SUPT5H: variants seen among roughly 807,000 people sequenced by gnomAD.
The protein encoded by SUPT5H is transcription elongation factor SPT5.
In SUPT5H, 24 loss-of-function variants were observed where a neutral mutation model predicts 142.5. The observed-to-expected ratio is 0.17, with a 90% confidence interval of 0.12 to 0.24. The LOEUF (loss-of-function observed/expected upper bound fraction) is 0.24, where lower values mean the gene tolerates loss of function less well. Among genes scored for constraint, SUPT5H ranks in the 10% least tolerant of loss-of-function variants. The pLI is 1.00. For missense variants in SUPT5H, 893 were observed against 1,471.8 expected (o/e 0.61, Z 6.43); for synonymous variants, 546 against 553.0 (o/e 0.99, Z 0.18).
intron 10 of SUPT5H, among the ~76,000 whole-genome samples, chr19:39,463,751 T>TG (rs1265960739): frequency 6.6e-6 from 1 of 152,234 alleles, no homozygotes; most frequent in Non-Finnish European, 1.5e-5. Context: ...AGCAGGGTAT[T>TG]GCAGTCAGTG....
At chr19:39,461,826 A>G (rs2079165266) in intron 10 of SUPT5H, among the ~76,000 whole-genome samples, 1 of 94,472 alleles carries the variant, frequency 1.1e-5, no homozygotes, top group Non-Finnish European at 2.4e-5. Context: ...TGTCTCAAAA[A>G]AAAAAAAAAA....
chr19:39,455,004 A>T (rs187376615), intron 3 of SUPT5H, among the ~76,000 whole-genome samples: 1 of 152,224 alleles, frequency 6.6e-6, no homozygotes, highest in Non-Finnish European at 1.5e-5. Context: ...TTTAACATGC[A>T]GGAACCCTTT....
At position 39,466,700 on chromosome 19, in the gene SUPT5H, A is replaced by G; in HGVS notation, c.992A>G (p.Lys331Arg). Residue 331 changes from lysine (K) to arginine (R), a missense_variant, in exon 13 of 30, where the codon AAG becomes AGG. Lys to Arg is a conservative substitution (Grantham distance 26, BLOSUM62 2). Transcript: ENST00000432763. This position sits in a 1 kb window ranked among gnomAD's most constrained non-coding sequence, Gnocchi z 4.3. ...SLKDWFAKRKKFKRPPQRLFD... is the reference protein window; with the variant it reads ...SLKDWFAKRKRFKRPPQRLFD... The stretch of plus-strand genomic sequence containing the variant: ...AAAGACTGGTTTGCCAAAAGGAAGA[A>G]GTTTAAGCGGCCTCCACAGAGGCTG... 6.2e-7 allele frequency: 1 copy of G among 1,614,192 alleles called. No homozygotes were observed. The highest frequency in any genetic ancestry group is 1.1e-5 in the South Asian group (1 of 91,080).
rs778523503 is a variant in SUPT5H at position 39,459,982 on chromosome 19, C to T, written c.624+22C>T. 5.6e-6 allele frequency: 9 copies of T among 1,613,294 alleles called. No individual in the cohort carries two copies. The South Asian group carries it at 8.8e-5, about 16-fold the overall frequency. ...CACGGTAAGTCGGGTAGACAGGCGGCTTGGTGGGGAGACATGGCAACACCC... is the reference window on the plus strand; with the variant it reads ...CACGGTAAGTCGGGTAGACAGGCGGTTTGGTGGGGAGACATGGCAACACCC... On this transcript the variant is annotated intron_variant, in intron 10 of 29. Coordinates refer to ENST00000432763, the MANE Select transcript of SUPT5H (RefSeq NM_001111020.3).
intron 18 of SUPT5H, 64 bp from the exon 19 acceptor site, chr19:39,471,293 A>T: frequency 2.5e-6 from 4 of 1,590,760 alleles, no homozygotes; most frequent in Non-Finnish European, 3.4e-6. Flanking sequence ...ACTTTAGGGA[A>T]CCCCTGCCCC....
At chr19:39,456,329 A>G (rs2079088841) in intron 3 of SUPT5H, among the ~76,000 whole-genome samples, 1 of 151,308 alleles carries the variant, frequency 6.6e-6, no homozygotes, top group African/African-American at 2.4e-5. Flanking sequence ...TCCCAGGTCC[A>G]AGTGATCCTC....
chr19:39,446,029 C>T (rs1300814611), intron 2 of SUPT5H, 64 bp downstream of exon 2: 4 of 1,548,592 alleles, frequency 2.6e-6, no homozygotes, highest in Non-Finnish European at 3.5e-6. Context: ...CAGAAAGGCC[C>T]CTGTGGGAGG....
Position 39,473,079 on chromosome 19 carries a change from G to A in SUPT5H, c.2223G>A (p.Gln741=). Residue 741 remains glutamine (Q), a synonymous_variant, in exon 23 of 30, where the codon CAG becomes CAA. Transcript: ENST00000432763. The surrounding 1 kb of genome is among the most constrained non-coding windows in gnomAD (Gnocchi z 5.8). Reference sequence around the variant, plus strand: ...GTGTGGAGCTGCACTCCACCTGCCAGACCATCTCTGTGGACCGTCAGCGGC... The same window carrying A: ...GTGTGGAGCTGCACTCCACCTGCCAAACCATCTCTGTGGACCGTCAGCGGC... ...TARVELHSTC[Q]TISVDRQRLT... is the part of the protein sequence containing the mutation. The A allele has an allele frequency of 6.2e-7, 1 of 1,613,740 alleles. No individual in the cohort carries two copies. Among genetic ancestry groups the A allele is most frequent in the Non-Finnish European group, 8.5e-7 (1 of 1,179,906 alleles).
intron 2 of SUPT5H, among the ~76,000 whole-genome samples, chr19:39,447,154 CTT>C (rs2078964714): frequency 6.6e-6 from 1 of 152,170 alleles, no homozygotes; most frequent in African/African-American, 2.4e-5. Flanking sequence ...CAGAGTGAGA[CTT>C]TGTCTCCCCA....
rs2079331924 is a variant in SUPT5H, at chr19:39,472,320, TC to T, written c.1951-88del. Reference sequence around the variant, plus strand: ...GGGTGTGGGTGGCTGGGTGGTCTCCTCAGGGCCCTGCACGTGGGATGATGAG... The same window carrying T: ...GGGTGTGGGTGGCTGGGTGGTCTCCTAGGGCCCTGCACGTGGGATGATGAG... On this transcript the variant is annotated intron_variant, in intron 20 of 29. Coordinates refer to ENST00000432763, the MANE Select transcript of SUPT5H (RefSeq NM_001111020.3). This position sits in a 1 kb window ranked among gnomAD's most constrained non-coding sequence, Gnocchi z 4.2. 7.5e-7 allele frequency: 1 copy of T among 1,334,736 alleles called. No individual in the cohort carries two copies. The highest frequency in any genetic ancestry group is 1.2e-5 in the South Asian group (1 of 81,472). 82.7% of individuals were successfully genotyped at this position (1,334,736 alleles called of 1,614,324 possible). A position where few individuals can be genotyped will look rare whatever the true frequency, so the allele number is the denominator to read the frequency against.
chr19:39,470,546 CG>C lies in SUPT5H; in HGVS notation c.1677+27del. ...CAGGTGTGTGTGTTGTGCTCTGTGG[CG>C]GGGACTTGCTTTTAGGAGGCTTCCT... On this transcript the variant is annotated intron_variant, in intron 18 of 29. Coordinates refer to ENST00000432763, the MANE Select transcript of SUPT5H (RefSeq NM_001111020.3). The surrounding 1 kb of genome is among the most constrained non-coding windows in gnomAD (Gnocchi z 5.8). 1.3e-6 allele frequency: 2 copies of C among 1,496,154 alleles called. No individual in the cohort carries two copies. Among genetic ancestry groups the C allele is most frequent in the East Asian group, 2.5e-5 (1 of 40,388 alleles). The allele number at this position is 1,496,154 out of a possible 1,614,324, so 92.7% of individuals were successfully genotyped here.
Position 39,472,610 on chromosome 19 carries a change from C to A in SUPT5H, c.2035+117C>A. On this transcript the variant is annotated intron_variant, in intron 21 of 29. Transcript: ENST00000432763. This position sits in a 1 kb window ranked among gnomAD's most constrained non-coding sequence, Gnocchi z 4.2. The stretch of plus-strand genomic sequence containing the variant: ...GGGCTGGGCACTGCTATTAGGGGTT[C>A]ACCACCCACAGGAGGGTAGACGCCA... The A allele has an allele frequency of 7.2e-7, 1 of 1,382,614 alleles. No homozygotes were observed. The highest frequency in any genetic ancestry group is 2.4e-5 in the East Asian group (1 of 40,930). 85.6% of individuals were successfully genotyped at this position (1,382,614 alleles called of 1,614,324 possible). A position where few individuals can be genotyped will look rare whatever the true frequency, so the allele number is the denominator to read the frequency against.
rs1169035690 is a variant in SUPT5H at position 39,472,884 on chromosome 19, G to A, written c.2110G>A (p.Glu704Lys). 5.0e-6 allele frequency: 8 copies of A among 1,613,830 alleles called. No individual in the cohort carries two copies. Among genetic ancestry groups the A allele is most frequent in the South Asian group, 1.1e-5 (1 of 91,060 alleles). ...CAGGGGCCGGGGCCGGAGGGACAAC[G>A]AACTCATCGGCCAGACCGTGCGCAT... Reference protein sequence around the residue: ...MSRGRGRRDNELIGQTVRISQ... With the variant: ...MSRGRGRRDNKLIGQTVRISQ... Residue 704 changes from glutamate to lysine, a missense_variant, in exon 22 of 30, where the codon GAA becomes AAA. Transcript: ENST00000432763. The surrounding 1 kb of genome is among the most constrained non-coding windows in gnomAD (Gnocchi z 4.2).
Position 39,470,083 on chromosome 19 carries a change from T to C in SUPT5H, c.1375-36T>C, listed in dbSNP as rs2146120236. 1 of 1,603,550 alleles carries C rather than the reference T, an allele frequency of 6.2e-7. No homozygotes were observed. The highest frequency in any genetic ancestry group is 1.1e-5 in the South Asian group (1 of 90,316). On this transcript the variant is annotated intron_variant, in intron 16 of 29. Transcript: ENST00000432763. This position sits in a 1 kb window ranked among gnomAD's most constrained non-coding sequence, Gnocchi z 5.8. ...GGCAGGCAGGTTGTGGTGGTCTCCC[T>C]TCACCTGTTTGTTGTCCCCACACCC... is the stretch of plus-strand genomic sequence containing the variant.
chr19:39,451,888 G>A (rs2079027040), intron 2 of SUPT5H, among the ~76,000 whole-genome samples: 1 of 152,188 alleles, frequency 6.6e-6, no homozygotes, highest in Non-Finnish European at 1.5e-5. Flanking sequence ...ATGGATTGTA[G>A]TAATGACATG....
chr19:39,461,157 GT>G (rs1384771149), intron 10 of SUPT5H, among the ~76,000 whole-genome samples: 1 of 152,078 alleles, frequency 6.6e-6, no homozygotes, highest in Non-Finnish European at 1.5e-5. Context: ...GGGCATGGTG[GT>G]GCTTGACTGT....
intron 2 of SUPT5H, among the ~76,000 whole-genome samples, chr19:39,449,106 A>T (rs1282978799): frequency 1.3e-5 from 2 of 151,568 alleles, no homozygotes; most frequent in Non-Finnish European, 2.9e-5. Flanking sequence ...CAAAAAACAA[A>T]AAACAAATGT....
chr19:39,469,317 T>C lies in SUPT5H; in HGVS notation c.1293T>C (p.Gly431=), dbSNP rs991554711. 1 of 1,613,806 alleles carries C rather than the reference T, an allele frequency of 6.2e-7. No homozygotes were observed. The highest frequency in any genetic ancestry group is 1.3e-5 in the African/African-American group (1 of 74,834). Residue 431 remains glycine, a synonymous_variant, in exon 16 of 30, where the codon GGT becomes GGC. Coordinates refer to ENST00000432763, the MANE Select transcript of SUPT5H (RefSeq NM_001111020.3). This position sits in a 1 kb window ranked among gnomAD's most constrained non-coding sequence, Gnocchi z 5.1. ...GGGACAACGTGGAGGTCTGTGAGGG[T>C]GAGCTCATCAACCTGCAGGGCAAGA... ...QPGDNVEVCE[G]ELINLQGKIL... is the part of the protein sequence containing the mutation.
Position 39,473,514 on chromosome 19 carries a change from C to T in SUPT5H, c.2485C>T (p.Pro829Ser). Residue 829 changes from proline to serine, a missense_variant, in exon 25 of 30, where the codon CCG (proline) becomes TCG (serine). Pro to Ser is a moderately conservative substitution (Grantham distance 74). Around this residue, in one of 6 missense-constraint regions of SUPT5H, gnomAD observed 336 missense variants for 546.5 expected, o/e 0.61. Transcript: ENST00000432763. The surrounding 1 kb of genome is among the most constrained non-coding windows in gnomAD (Gnocchi z 5.8). ...CTGGGACCCCAACAACCCCAACACGCCGTCACGGTGAGTCCAGGGTTCCCC... is the reference window on the plus strand; with the variant it reads ...CTGGGACCCCAACAACCCCAACACGTCGTCACGGTGAGTCCAGGGTTCCCC... ...GAWDPNNPNTPSRAEEEYEYA... is the reference protein window; with the variant it reads ...GAWDPNNPNTSSRAEEEYEYA... 1 of 1,610,096 alleles carries T rather than the reference C, an allele frequency of 6.2e-7. No homozygotes were observed. The highest frequency in any genetic ancestry group is 8.5e-7 in the Non-Finnish European group (1 of 1,179,836).
Sources: gnomAD v4.1 joint callset for allele counts (sites outside exome capture counted in the v4.1 genomes callset) on GRCh38, gnomAD v4.1.1 for gene constraint, gnomAD v4.1.1 regional missense constraint, Gnocchi (gnomAD v3.1) non-coding constraint, MANE v1.5 for transcripts, NCBI Gene and HGNC (gene_info 2026-07-23, HGNC 2026-07-21) for gene names.